FMN1: variants seen among roughly 807,000 people sequenced by gnomAD.
FMN1 encodes the protein formin 1, also known as formin-1.
In FMN1, 110 loss-of-function variants were observed where a neutral mutation model predicts 132.4. That is an observed-to-expected ratio of 0.83 (90% CI 0.71 to 0.97). The LOEUF (loss-of-function observed/expected upper bound fraction) is 0.97. FMN1 is among the 50% of genes least tolerant of loss of function. The pLI is 0.00. For missense variants in FMN1, 1,792 were observed against 1,705.3 expected (o/e 1.05, Z -0.90); for synonymous variants, 722 against 651.7 (o/e 1.11, Z -1.64).
intron 6 of FMN1, among the ~76,000 whole-genome samples, chr15:33,037,150 TCA>T (rs2036227653): frequency 6.6e-6 from 1 of 152,224 alleles, no homozygotes; most frequent in South Asian, 2.1e-4. Context: ...TTAACAGAAC[TCA>T]CAGTTCTTTC....
intron 4 of FMN1, among the ~76,000 whole-genome samples, chr15:33,136,997 A>T (rs371652918): frequency 1.3e-4 from 19 of 151,486 alleles, no homozygotes; most frequent in African/African-American, 4.4e-4. Flanking sequence ...CTGAAGCAGA[A>T]GAATCGCTTG....
chr15:33,028,777 C>G (rs1331971754), intron 6 of FMN1, among the ~76,000 whole-genome samples: 2 of 152,174 alleles, frequency 1.3e-5, no homozygotes, highest in Non-Finnish European at 2.9e-5. Flanking sequence ...ACACATTCTT[C>G]TTCCCCAGAT....
chr15:32,905,480 A>C (rs962530792), intron 12 of FMN1, among the ~76,000 whole-genome samples: 1 of 152,184 alleles, frequency 6.6e-6, no homozygotes, highest in Non-Finnish European at 1.5e-5. Flanking sequence ...TACCAGGCCT[A>C]ATCAAACCCA....
At chr15:33,029,576 G>A (rs1322439997) in intron 6 of FMN1, among the ~76,000 whole-genome samples, 2 of 152,150 alleles carry the variant, frequency 1.3e-5, no homozygotes, top group Non-Finnish European at 2.9e-5. Flanking sequence ...TTGTAGTCCA[G>A]ACAAGGGTAG....
chr15:32,912,423 G>A (rs1192777003), intron 10 of FMN1, among the ~76,000 whole-genome samples: 2 of 152,176 alleles, frequency 1.3e-5, no homozygotes, highest in African/African-American at 4.8e-5. Context: ...ATGTGTACAG[G>A]ATCTGTTCTA....
At chr15:33,100,333 C>T (rs1025639473) in intron 4 of FMN1, among the ~76,000 whole-genome samples, 4 of 150,010 alleles carry the variant, frequency 2.7e-5, no homozygotes, top group African/African-American at 7.4e-5. Context: ...ATTAAGATAA[C>T]ACAGGGAAGC....
At chr15:33,128,453 A>G (rs1208056723) in intron 4 of FMN1, among the ~76,000 whole-genome samples, 3 of 152,216 alleles carry the variant, frequency 2.0e-5, no homozygotes, top group African/African-American at 7.2e-5. Context: ...TTTTATTCCT[A>G]TGACATTGCA....
At chr15:32,827,512 A>C (rs961812098) in intron 17 of FMN1, among the ~76,000 whole-genome samples, 1 of 152,194 alleles carries the variant, frequency 6.6e-6, no homozygotes, top group Non-Finnish European at 1.5e-5. Context: ...AGTTATAATC[A>C]TTTCACATTA....
At chr15:32,857,493 A>C (rs1210588078) in intron 16 of FMN1, among the ~76,000 whole-genome samples, 1 of 151,934 alleles carries the variant, frequency 6.6e-6, no homozygotes, top group East Asian at 1.9e-4. Context: ...TCAGATTCAC[A>C]CTCCAAAAGT....
chr15:32,810,550 A>G (rs1021049968), intron 17 of FMN1, among the ~76,000 whole-genome samples: 3 of 152,204 alleles, frequency 2.0e-5, no homozygotes, highest in African/African-American at 7.2e-5. Context: ...TGAAAAAGAG[A>G]AAGTTTTTAT....
chr15:32,891,924 T>C (rs942810031), intron 15 of FMN1, among the ~76,000 whole-genome samples: 1 of 136,608 alleles, frequency 7.3e-6, no homozygotes, highest in Non-Finnish European at 1.5e-5. Flanking sequence ...GAAACTTTGC[T>C]AATTATTTTA....
intron 15 of FMN1, among the ~76,000 whole-genome samples, chr15:32,888,958 A>G (rs1051322802): frequency 1.3e-5 from 2 of 151,148 alleles, no homozygotes; most frequent in Non-Finnish European, 2.9e-5. Context: ...TTCCAGGTCC[A>G]AGCGATCCTT....
chr15:32,831,558 T>C (rs952650082), intron 17 of FMN1, among the ~76,000 whole-genome samples: 1 of 151,646 alleles, frequency 6.6e-6, no homozygotes, highest in African/African-American at 2.4e-5. Context: ...GGGAGGAAAG[T>C]GTGTGTGGGG....
At chr15:32,957,453 G>A (rs905569163) in intron 9 of FMN1, among the ~76,000 whole-genome samples, 3 of 151,772 alleles carry the variant, frequency 2.0e-5, no homozygotes, top group African/African-American at 2.4e-5. Flanking sequence ...ATTGACAGGG[G>A]AAACTCTTTA....
intron 9 of FMN1, among the ~76,000 whole-genome samples, chr15:32,932,089 T>G (rs188583008): frequency 6.6e-6 from 1 of 152,314 alleles, no homozygotes; most frequent in East Asian, 1.9e-4. Flanking sequence ...TATGATCCTT[T>G]TAATGTGCTA....
At chr15:32,790,811 C>A (rs1416743706) in intron 19 of FMN1, among the ~76,000 whole-genome samples, 6 of 152,166 alleles carry the variant, frequency 3.9e-5, no homozygotes, top group African/African-American at 1.4e-4. Context: ...GAGAATGCAC[C>A]ATACAAGACA....
Position 33,154,340 on chromosome 15 carries a change from C to T in FMN1, c.575G>A (p.Gly192Asp), listed in dbSNP as rs1232670828. The T allele has an allele frequency of 6.5e-7, 1 of 1,536,164 alleles. No individual in the cohort carries two copies. The highest frequency in any genetic ancestry group is 8.7e-7 in the Non-Finnish European group (1 of 1,146,928). The change falls in exon 4 of 21, where the codon GGC (glycine) becomes GAC (aspartate). Residue 192 changes from glycine to aspartate, a missense_variant. By Grantham distance (94) the Gly-to-Asp change is moderately conservative. Transcript: ENST00000616417. The part of the protein sequence containing the change: ...RGGRESAPLM[G>D]KDKICSSHSL... Reference sequence around the variant, plus strand: ...GTGGCTGGAACAGATCTTGTCCTTGCCCATCAGAGGAGCTGATTCTCGGCC... The same window carrying T: ...GTGGCTGGAACAGATCTTGTCCTTGTCCATCAGAGGAGCTGATTCTCGGCC...
At chr15:33,120,862 C>T (rs1181853123) in intron 4 of FMN1, among the ~76,000 whole-genome samples, 1 of 152,026 alleles carries the variant, frequency 6.6e-6, no homozygotes, top group African/African-American at 2.4e-5. Flanking sequence ...CATTTTTTTA[C>T]AAGCTCTCCA....
intron 5 of FMN1, among the ~76,000 whole-genome samples, chr15:33,073,666 T>A (rs548302843): frequency 2.0e-5 from 3 of 151,868 alleles, no homozygotes; most frequent in African/African-American, 7.3e-5. Context: ...ATGGAATAAT[T>A]TGGGTAGAAT....
Sources: allele counts gnomAD v4.1 joint callset (sites outside exome capture counted in the v4.1 genomes callset), GRCh38; gene constraint gnomAD v4.1.1; transcripts MANE v1.5; gene names NCBI Gene and HGNC (gene_info 2026-07-23, HGNC 2026-07-21).